PTPRD: variants seen among roughly 807,000 people sequenced by gnomAD.
PTPRD encodes the protein protein tyrosine phosphatase receptor type D, also known as receptor-type tyrosine-protein phosphatase delta.
PTPRD carries 34 observed loss-of-function variants against 214.5 expected under a neutral mutation model. The observed-to-expected ratio is 0.16, with a 90% CI of 0.12 to 0.21. PTPRD has a LOEUF of 0.21. Among genes scored for constraint, PTPRD ranks in the 10% least tolerant of loss-of-function variants. The pLI is 1.00. For synonymous variants in PTPRD, 1,128 were observed against 845.7 expected (o/e 1.33, Z -5.79); for missense variants, 2,545 against 2,398.7 (o/e 1.06, Z -1.27).
chr9:10,567,314 TC>T (rs778336803), intron 2 of PTPRD, among the ~76,000 whole-genome samples: 1 of 152,140 alleles, frequency 6.6e-6, no homozygotes, highest in Non-Finnish European at 1.5e-5. Flanking sequence ...AAAAAATCTA[TC>T]ACATATTCAT....
chr9:9,973,338 C>A (rs1371245027), intron 4 of PTPRD, among the ~76,000 whole-genome samples: 1 of 150,336 alleles, frequency 6.7e-6, no homozygotes, highest in African/African-American at 2.5e-5. Flanking sequence ...CAGGTGTGGT[C>A]GCTTGCGTCT....
At chr9:10,178,427 G>C (rs888945145) in intron 3 of PTPRD, among the ~76,000 whole-genome samples, 3 of 151,928 alleles carry the variant, frequency 2.0e-5, no homozygotes, top group Non-Finnish European at 4.4e-5. Flanking sequence ...TGTTTTAAAA[G>C]AAGAGAGGAG....
intron 2 of PTPRD, among the ~76,000 whole-genome samples, chr9:10,512,046 ACACACG>A (rs1589798153): frequency 1.4e-5 from 2 of 140,126 alleles, no homozygotes; most frequent in Non-Finnish European, 3.1e-5. Context: ...ATATATATAC[ACACACG>A]TATATATATA....
intron 12 of PTPRD, among the ~76,000 whole-genome samples, chr9:8,664,213 T>C (rs1040856951): frequency 2.0e-5 from 3 of 152,212 alleles, no homozygotes; most frequent in African/African-American, 7.2e-5. Flanking sequence ...TCAAGATTCA[T>C]ATCAGAATCT....
At chr9:9,212,028 C>G (rs1329912937) in intron 9 of PTPRD, among the ~76,000 whole-genome samples, 1 of 152,030 alleles carries the variant, frequency 6.6e-6, no homozygotes, top group African/African-American at 2.4e-5. Flanking sequence ...ATATACTCGT[C>G]AATTCTGATT....
chr9:8,668,350 T>G (rs2097210050), intron 12 of PTPRD, among the ~76,000 whole-genome samples: 1 of 152,184 alleles, frequency 6.6e-6, no homozygotes, highest in Admixed American at 6.5e-5. Flanking sequence ...AATATTCAAT[T>G]TGCAAACTCA....
At chr9:9,374,025 C>T (rs994353244) in intron 9 of PTPRD, among the ~76,000 whole-genome samples, 1 of 151,818 alleles carries the variant, frequency 6.6e-6, no homozygotes, top group African/African-American at 2.4e-5. Context: ...TCATTTATTA[C>T]AATTAACACA....
chr9:8,322,609 G>A (rs1375419035), intron 44 of PTPRD, among the ~76,000 whole-genome samples: 3 of 152,330 alleles, frequency 2.0e-5, no homozygotes, highest in Admixed American at 2.0e-4. Flanking sequence ...GTTGGCTTAT[G>A]AGGTTTAAGG....
intron 11 of PTPRD, among the ~76,000 whole-genome samples, chr9:8,833,742 A>G (rs1016081537): frequency 1.0e-4 from 15 of 150,142 alleles, no homozygotes; most frequent in Non-Finnish European, 1.5e-4. Flanking sequence ...ACACACACAC[A>G]CACACGATTC....
chr9:9,839,495 G>A (rs1229406228), intron 5 of PTPRD, among the ~76,000 whole-genome samples: 1 of 151,974 alleles, frequency 6.6e-6, no homozygotes, highest in Non-Finnish European at 1.5e-5. Flanking sequence ...CAACTTACAA[G>A]GGACATGAAG....
intron 9 of PTPRD, among the ~76,000 whole-genome samples, chr9:9,380,422 A>G (rs753271515): frequency 1.3e-5 from 2 of 152,154 alleles, no homozygotes; most frequent in Non-Finnish European, 2.9e-5. Flanking sequence ...CTTATGGGGT[A>G]CATGAGATGT....
intron 11 of PTPRD, among the ~76,000 whole-genome samples, chr9:8,830,239 G>A (rs2097261207): frequency 6.6e-6 from 1 of 152,104 alleles, no homozygotes; most frequent in Non-Finnish European, 1.5e-5. Context: ...ATTAACTCAA[G>A]CACTTGGGTT....
At chr9:8,916,995 C>T (rs1251015933) in intron 11 of PTPRD, among the ~76,000 whole-genome samples, 1 of 151,382 alleles carries the variant, frequency 6.6e-6, no homozygotes, top group Admixed American at 6.6e-5. Flanking sequence ...TATGAGGCCT[C>T]ATGGGATAAA....
chr9:10,311,638 A>C (rs2096269008), intron 3 of PTPRD, among the ~76,000 whole-genome samples: 1 of 152,060 alleles, frequency 6.6e-6, no homozygotes, highest in African/African-American at 2.4e-5. Context: ...CCAAATGAAA[A>C]TTAAAGCACA....
chr9:10,565,990 T>G (rs1405982021), intron 2 of PTPRD, among the ~76,000 whole-genome samples: 3 of 152,026 alleles, frequency 2.0e-5, no homozygotes, highest in Non-Finnish European at 2.9e-5. Flanking sequence ...TCCTTAACAT[T>G]ATGGTATAAG....
chr9:8,684,858 G>A (rs1266282915), intron 12 of PTPRD, among the ~76,000 whole-genome samples: 5 of 151,982 alleles, frequency 3.3e-5, no homozygotes, highest in African/African-American at 1.2e-4. Flanking sequence ...GGATTTTACT[G>A]CTCTCTGTGG....
At chr9:9,611,856 T>TGCTC (rs1469978251) in intron 7 of PTPRD, among the ~76,000 whole-genome samples, 1 of 152,154 alleles carries the variant, frequency 6.6e-6, no homozygotes, top group Non-Finnish European at 1.5e-5. Flanking sequence ...AATAAAGCTA[T>TGCTC]GCTCATTCTC....
chr9:10,095,613 G>A (rs1218318360), intron 3 of PTPRD, among the ~76,000 whole-genome samples: 1 of 151,442 alleles, frequency 6.6e-6, no homozygotes, highest in Non-Finnish European at 1.5e-5. Context: ...TGAAGACTGA[G>A]ATAATATGCA....
chr9:9,168,340 A>AT (rs575567389), intron 10 of PTPRD, among the ~76,000 whole-genome samples: 4 of 151,892 alleles, frequency 2.6e-5, no homozygotes, highest in Admixed American at 6.6e-5. Context: ...ACATTTATTC[A>AT]TTTTTTTATC....
Sources: gnomAD v4.1 joint callset for allele counts (sites outside exome capture counted in the v4.1 genomes callset) on GRCh38, gnomAD v4.1.1 for gene constraint, MANE v1.5 for transcripts, NCBI Gene and HGNC (gene_info 2026-07-23, HGNC 2026-07-21) for gene names.